The following FRMPD4 variants were observed in gnomAD, a reference collection of about 807,000 sequenced individuals.
FRMPD4 encodes the protein FERM and PDZ domain-containing protein 4.
A neutral mutation model predicts 94.1 loss-of-function variants in FRMPD4; 22 were observed. The ratio of observed to expected loss-of-function variants is 0.23; its 90% CI spans 0.17 to 0.33. The LOEUF is 0.33. FRMPD4 is among the 10% of genes least tolerant of loss of function. FRMPD4 has a pLI of 1.00. For missense variants in FRMPD4, 1,111 were observed against 1,339.9 expected, an observed-to-expected ratio of 0.83 and a Z score of 2.67; for synonymous variants, 631 against 548.6, an observed-to-expected ratio of 1.15 and a Z score of -2.10.
At chrX:12,477,217 ACAC>A (rs979472368) in intron 1 of FRMPD4, among the ~76,000 whole-genome samples, 1 of 111,162 alleles carries the variant, frequency 9.0e-6, no homozygotes, top group African/African-American at 3.3e-5. Flanking sequence ...AAAAAACCAA[ACAC>A]CACATGTTCT....
rs759919214 is a variant in FRMPD4, at chrX:12,583,735, GGCCCAGCTGTCTGCA to G, written c.159-25984_159-25970del. ...CGCGACCTCAAGAGAGCCTCACCCG[GGCCCAGCTGTCTGCA>G]GGTTAACTAGGGTTTCCACCTGCAT... On this transcript the variant is annotated intron_variant, in intron 2 of 16. Transcript: ENST00000675598. Among the ~76,000 whole-genome samples, 44 of 112,725 alleles carry G rather than the reference GGCCCAGCTGTCTGCA, an allele frequency of 3.9e-4. No homozygotes were observed. The East Asian group carries it at 9.8e-3, about 25-fold the overall frequency.
chrX:12,110,962 G>A (rs947033480), intron 3 of FRMPD4, among the ~76,000 whole-genome samples: 2 of 111,560 alleles, frequency 1.8e-5, no homozygotes, highest in African/African-American at 3.3e-5. Context: ...TCATGGATAG[G>A]AAAAATCAAT....
chrX:11,865,165 C>T (rs1360344416), exon 2 of FRMPD4, among the ~76,000 whole-genome samples: 3 of 111,758 alleles, frequency 2.7e-5, no homozygotes, highest in Non-Finnish European at 5.7e-5. Context: ...AAATAAAATA[C>T]AGGATCCCAA....
intron 1 of FRMPD4, among the ~76,000 whole-genome samples, chrX:12,233,165 T>C: frequency 1.8e-5 from 2 of 111,879 alleles, no homozygotes. Context: ...CATGAGGATG[T>C]GACCCTCCCA....
intron 2 of FRMPD4, among the ~76,000 whole-genome samples, chrX:12,528,319 G>GTTTT (rs62720861): frequency 2.7e-5 from 2 of 73,864 alleles, no homozygotes; most frequent in African/African-American, 6.0e-5. Context: ...TTTTGTTTTT[G>GTTTT]TTTTTTTTTT....
At chrX:11,911,158 G>T (rs1022865280) in intron 3 of FRMPD4, among the ~76,000 whole-genome samples, 4 of 112,422 alleles carry the variant, frequency 3.6e-5, no homozygotes, top group African/African-American at 1.3e-4. Flanking sequence ...GAACAAATAA[G>T]CATGGCTGTG....
chrX:12,554,523 A>AT (rs2148334926), intron 2 of FRMPD4, among the ~76,000 whole-genome samples: 1 of 112,667 alleles, frequency 8.9e-6, no homozygotes, highest in South Asian at 3.7e-4. Context: ...AATACAGTAC[A>AT]TTGTGTATAA....
At chrX:12,523,064 TTTG>T (rs1354238076) in intron 2 of FRMPD4, among the ~76,000 whole-genome samples, 1 of 112,299 alleles carries the variant, frequency 8.9e-6, no homozygotes, top group African/African-American at 3.2e-5. Context: ...CTCCAGGGAC[TTTG>T]TTGTTGTTTT....
At chrX:11,839,126 C>T (rs1463527264) in intron 1 of FRMPD4, among the ~76,000 whole-genome samples, 1 of 110,754 alleles carries the variant, frequency 9.0e-6, no homozygotes, top group East Asian at 2.8e-4. Flanking sequence ...TCTAGTTTCT[C>T]CAAATCCTCA....
chrX:12,078,082 G>A (rs1201050040), intron 3 of FRMPD4, among the ~76,000 whole-genome samples: 1 of 111,310 alleles, frequency 9.0e-6, no homozygotes, highest in Admixed American at 9.6e-5. Flanking sequence ...AGGCCGTTGG[G>A]AGAAGTCATC....
chrX:12,531,878 T>C (rs1005367717), intron 2 of FRMPD4, among the ~76,000 whole-genome samples: 5 of 111,846 alleles, frequency 4.5e-5, no homozygotes, highest in Non-Finnish European at 9.4e-5. Flanking sequence ...AGGACCTTCT[T>C]ACCACTCCCT....
chrX:12,424,580 C>G (rs976081649), intron 1 of FRMPD4, among the ~76,000 whole-genome samples: 3 of 111,918 alleles, frequency 2.7e-5, no homozygotes, highest in Admixed American at 9.5e-5. Context: ...TCAGATAGAT[C>G]GAGGGTGGGA....
chrX:12,479,385 T>TATATACAC (rs2057645420), intron 1 of FRMPD4, among the ~76,000 whole-genome samples: 7 of 84,569 alleles, frequency 8.3e-5, no homozygotes, highest in Non-Finnish European at 1.3e-4. Context: ...TATATACACA[T>TATATACAC]ATATATATAC....
In FRMPD4 at chrX:12,153,554, C is replaced by T. The variant is rs141763699; in HGVS notation, c.41+14542C>T. Among the ~76,000 whole-genome samples, 257 of 112,067 alleles carry T rather than the reference C, an allele frequency of 2.3e-3. 1 individual carries two copies. Among genetic ancestry groups the T allele is most frequent in the African/African-American group, 7.8e-3 (242 of 30,869 alleles). ...GCCTTACTTTATCTCCCTTTCATTC[C>T]GATGTGGTCATGTAAACTCCATAAA... On this transcript the variant is annotated intron_variant, in intron 1 of 16. Coordinates refer to ENST00000675598, the MANE Select transcript of FRMPD4 (RefSeq NM_001368397.1).
chrX:12,357,511 C>T (rs916407449), intron 1 of FRMPD4, among the ~76,000 whole-genome samples: 1 of 112,067 alleles, frequency 8.9e-6, no homozygotes, highest in Non-Finnish European at 1.9e-5. Flanking sequence ...TACCCAAATC[C>T]ATGACAACAA....
chrX:11,929,958 A>G (rs2054111650), intron 3 of FRMPD4, among the ~76,000 whole-genome samples: 1 of 107,592 alleles, frequency 9.3e-6, no homozygotes. Context: ...AAATACAAAA[A>G]TTAGCCAGGT....
intron 3 of FRMPD4, among the ~76,000 whole-genome samples, chrX:11,961,841 T>C (rs936068129): frequency 1.8e-5 from 2 of 112,045 alleles, no homozygotes; most frequent in African/African-American, 3.2e-5. Context: ...CTCCTTTTCA[T>C]GATCTATTTC....
chrX:12,703,420 G>T (rs1168741910), intron 10 of FRMPD4, among the ~76,000 whole-genome samples: 1 of 112,336 alleles, frequency 8.9e-6, no homozygotes, highest in Non-Finnish European at 1.9e-5. Flanking sequence ...TAATGATCAT[G>T]AAATATACCA....
chrX:12,119,428 T>C (rs954261201), intron 3 of FRMPD4, among the ~76,000 whole-genome samples: 3 of 112,309 alleles, frequency 2.7e-5, no homozygotes, highest in African/African-American at 9.7e-5. Flanking sequence ...GAAGAAAAAT[T>C]ATGAATTATT....
Sources: gnomAD v4.1 joint callset for allele counts (sites outside exome capture counted in the v4.1 genomes callset) on GRCh38, gnomAD v4.1.1 for gene constraint, MANE v1.5 for transcripts, NCBI Gene and HGNC (gene_info 2026-07-23, HGNC 2026-07-21) for gene names.